The following VTI1A variants were observed in gnomAD, a reference collection of about 807,000 sequenced individuals.
The protein encoded by VTI1A is vesicle transport through interaction with t-SNAREs 1A, also known as vesicle transport through interaction with t-SNAREs homolog 1A.
Under a neutral mutation model 34.9 loss-of-function variants are expected in VTI1A, and 22 were observed. The ratio of observed to expected loss-of-function variants is 0.63; its 90% CI spans 0.45 to 0.90. The LOEUF is 0.90. Among genes scored for constraint, VTI1A ranks in the 40% least tolerant of loss-of-function variants. The probability of loss-of-function intolerance (pLI) is 0.00; values close to 1 mark genes in which losing one functional copy is unlikely to be tolerated. For missense variants in VTI1A, 268 were observed against 275.6 expected, an observed-to-expected ratio of 0.97 and a Z score of 0.20; for synonymous variants, 87 against 97.3, an observed-to-expected ratio of 0.89 and a Z score of 0.62.
intron 5 of VTI1A, among the ~76,000 whole-genome samples, chr10:112,659,001 G>A (rs1847342724): frequency 6.6e-6 from 1 of 152,220 alleles, no homozygotes; most frequent in South Asian, 2.1e-4. Context: ...TATACATTTA[G>A]TGATAGCAAT....
chr10:112,507,964 GTTTC>G (rs1849488482), intron 3 of VTI1A, among the ~76,000 whole-genome samples: 1 of 152,164 alleles, frequency 6.6e-6, no homozygotes, highest in Non-Finnish European at 1.5e-5. Flanking sequence ...CTGGAATGTA[GTTTC>G]TTTAGGTGTC....
the VTI1A span, among the ~76,000 whole-genome samples, chr10:112,848,133 T>C: frequency 1.3e-5 from 2 of 152,232 alleles, no homozygotes; most frequent in African/African-American, 4.8e-5. Context: ...GGTCTTGTCT[T>C]TTTGTTTCAA....
intron 3 of VTI1A, among the ~76,000 whole-genome samples, chr10:112,484,297 A>T (rs1848545938): frequency 6.6e-6 from 1 of 152,258 alleles, no homozygotes; most frequent in Non-Finnish European, 1.5e-5. Context: ...AATGATGCTG[A>T]AAATTTGAAT....
At chr10:112,840,764 G>A in the VTI1A span, among the ~76,000 whole-genome samples, 5 of 152,290 alleles carry the variant, frequency 3.3e-5, no homozygotes, top group South Asian at 1.0e-3. Context: ...ATTTCTTTAT[G>A]TATGGTATTG....
At chr10:112,844,491 C>T in the VTI1A span, among the ~76,000 whole-genome samples, 75 of 152,266 alleles carry the variant, frequency 4.9e-4, no homozygotes, top group East Asian at 8.1e-3. Flanking sequence ...CTCCACCTCC[C>T]GGGTTGAAGC....
chr10:112,730,226 A>G (rs1850199413), intron 7 of VTI1A, among the ~76,000 whole-genome samples: 1 of 152,208 alleles, frequency 6.6e-6, no homozygotes, highest in South Asian at 2.1e-4. Context: ...AGCAAACCAG[A>G]GATTTCCTCC....
chr10:112,494,596 C>T (rs1160646980), intron 3 of VTI1A, among the ~76,000 whole-genome samples: 1 of 152,190 alleles, frequency 6.6e-6, no homozygotes, highest in Non-Finnish European at 1.5e-5. Context: ...GCAACCTCCG[C>T]CTCCCAGGTT....
At chr10:112,757,496 C>T (rs1292425133) in intron 7 of VTI1A, among the ~76,000 whole-genome samples, 2 of 151,390 alleles carry the variant, frequency 1.3e-5, no homozygotes, top group Non-Finnish European at 1.5e-5. Context: ...GTGATTCTCC[C>T]GCCTCAGCCT....
chr10:112,832,858 G>A, the VTI1A span, among the ~76,000 whole-genome samples: 1 of 152,128 alleles, frequency 6.6e-6, no homozygotes, highest in Admixed American at 6.5e-5. Flanking sequence ...TGGCCCTGCA[G>A]TAATTCTGCT....
chr10:112,808,952 A>C (rs887157845), intron 7 of VTI1A, among the ~76,000 whole-genome samples: 2 of 152,202 alleles, frequency 1.3e-5, no homozygotes, highest in Non-Finnish European at 2.9e-5. Flanking sequence ...TTCCAGGAAG[A>C]ATCCCAAGAG....
At chr10:112,794,796 G>A (rs1411090324) in intron 7 of VTI1A, among the ~76,000 whole-genome samples, 1 of 152,082 alleles carries the variant, frequency 6.6e-6, no homozygotes, top group East Asian at 1.9e-4. Flanking sequence ...GTCAGATTCT[G>A]TTAAACTTTC....
chr10:112,557,769 AT>A (rs1383060379), intron 5 of VTI1A, among the ~76,000 whole-genome samples: 2 of 152,310 alleles, frequency 1.3e-5, no homozygotes, highest in African/African-American at 4.8e-5. Context: ...AGATAACTGC[AT>A]ATGAAAGGTG....
intron 3 of VTI1A, among the ~76,000 whole-genome samples, chr10:112,505,942 A>G (rs966150598): frequency 6.6e-6 from 1 of 152,190 alleles, no homozygotes; most frequent in African/African-American, 2.4e-5. Flanking sequence ...TCAGCTATCC[A>G]TAGTATAGTA....
chr10:112,772,597 T>A (rs1197557776), intron 7 of VTI1A, among the ~76,000 whole-genome samples: 1 of 152,230 alleles, frequency 6.6e-6, no homozygotes, highest in African/African-American at 2.4e-5. Context: ...GTGTCACATC[T>A]AAGAGTCTAT....
chr10:112,448,131 C>T (rs551025975), intron 1 of VTI1A, among the ~76,000 whole-genome samples: 3 of 152,302 alleles, frequency 2.0e-5, no homozygotes, highest in African/African-American at 7.2e-5. Context: ...TTGTACTTCT[C>T]TCATGGGGTT....
intron 5 of VTI1A, among the ~76,000 whole-genome samples, chr10:112,579,384 C>A (rs1161990326): frequency 2.6e-5 from 4 of 152,058 alleles, no homozygotes; most frequent in African/African-American, 9.7e-5. Context: ...TAGTTGACAG[C>A]TGTTTTCTGA....
intron 5 of VTI1A, among the ~76,000 whole-genome samples, chr10:112,544,402 G>A (rs1252474658): frequency 6.6e-6 from 1 of 152,004 alleles, no homozygotes; most frequent in East Asian, 1.9e-4. Context: ...GCTAATTTTT[G>A]TATTTTTAGT....
intron 5 of VTI1A, among the ~76,000 whole-genome samples, chr10:112,600,956 A>C (rs1844852357): frequency 6.6e-6 from 1 of 152,254 alleles, no homozygotes; most frequent in South Asian, 2.1e-4. Context: ...CTTGCCCTCA[A>C]GGCATTTACA....
chr10:112,705,454 T>A (rs1055791805), intron 7 of VTI1A, among the ~76,000 whole-genome samples: 3 of 152,068 alleles, frequency 2.0e-5, no homozygotes, highest in African/African-American at 7.2e-5. Flanking sequence ...ACTGACTCCA[T>A]TATTGCTGCC....
Sources: allele counts gnomAD v4.1 joint callset (sites outside exome capture counted in the v4.1 genomes callset), GRCh38; gene constraint gnomAD v4.1.1; transcripts MANE v1.5; gene names NCBI Gene and HGNC (gene_info 2026-07-23, HGNC 2026-07-21).